Variants in ETV3 observed in about 807,000 individuals in gnomAD.
ETV3 encodes ETS variant transcription factor 3.
Under a neutral mutation model 33.0 loss-of-function variants are expected in ETV3, and 8 were observed. That is an observed-to-expected ratio of 0.24 (90% CI 0.14 to 0.44). The LOEUF is 0.44. ETV3 is among the 20% of genes least tolerant of loss of function. The probability of loss-of-function intolerance (pLI) is 1.00; values close to 1 mark genes in which losing one functional copy is unlikely to be tolerated. For missense variants in ETV3, 473 were observed against 652.3 expected (o/e 0.73, Z 2.99); for synonymous variants, 222 against 238.9 (o/e 0.93, Z 0.65).
At chr1:157,129,552 GA>G (rs1170651953) in intron 4 of ETV3, among the ~76,000 whole-genome samples, 1 of 151,680 alleles carries the variant, frequency 6.6e-6, no homozygotes. Context: ...TCACAGACTG[GA>G]AAAAAAATAA....
rs1674802693 is a variant in ETV3 at position 157,125,286 on chromosome 1, G to A, written c.1094C>T (p.Ser365Leu). ...NRERVESSEESAPVTTPTMAS... is the reference protein window; with the variant it reads ...NRERVESSEELAPVTTPTMAS... ...CATGGTGGGCGTGGTGACTGGTGCT[G>A]ACTCCTCGCTGCTCTCAACCCTCTC... The change falls in exon 5 of 5, where the codon TCA becomes TTA. Residue 365 changes from serine (S) to leucine (L), a missense_variant. By Grantham distance (145) the Ser-to-Leu change is moderately radical. Around this residue, in one of 3 missense-constraint regions of ETV3, gnomAD observed 410 missense variants for 520.2 expected, o/e 0.79. Transcript: ENST00000368192. This position sits in a 1 kb window ranked among gnomAD's most constrained non-coding sequence, Gnocchi z 4.0. The A allele has an allele frequency of 6.4e-7, 1 of 1,552,014 alleles. No individual in the cohort carries two copies. The highest frequency in any genetic ancestry group is 8.7e-7 in the Non-Finnish European group (1 of 1,147,122).
Position 157,124,771 on chromosome 1 carries a change from G to GAA in ETV3, c.*68_*69dup. The GAA allele has an allele frequency of 9.0e-6, 1 of 111,184 alleles. No homozygotes were observed. Among genetic ancestry groups the GAA allele is most frequent in the South Asian group, 2.0e-4 (1 of 5,078 alleles). 6.9% of individuals were successfully genotyped at this position (111,184 alleles called of 1,614,324 possible). ...AGTTTAACTCCCTCCCCCCCACCCT[G>GAA]AAATCTTGCTACATAAATACATGTA... On this transcript the variant is annotated 3_prime_UTR_variant, in exon 5 of 5. Transcript: ENST00000368192.
At chr1:157,128,367 T>C in intron 4 of ETV3, 2 of 193,352 alleles carry the variant, frequency 1.0e-5, no homozygotes, top group Non-Finnish European at 2.2e-5. Flanking sequence ...TAAATACGGG[T>C]GATATTGAGA....
At chr1:157,132,122 C>T (rs1674981076) in intron 4 of ETV3, among the ~76,000 whole-genome samples, 1 of 152,148 alleles carries the variant, frequency 6.6e-6, no homozygotes, top group Non-Finnish European at 1.5e-5. Flanking sequence ...GCCACCTGTA[C>T]TTTTAGTAGA....
intron 4 of ETV3, among the ~76,000 whole-genome samples, 177 bp from the exon 5 acceptor site, chr1:157,126,156 TG>T (rs944023957): frequency 6.6e-5 from 10 of 152,242 alleles, no homozygotes; most frequent in African/African-American, 2.4e-4. Flanking sequence ...CTACTCAACT[TG>T]TCATCCTTCT....
At chr1:157,126,073 C>T in intron 4 of ETV3, 94 bp from the exon 5 acceptor site, 1 of 1,138,810 alleles carries the variant, frequency 8.8e-7, no homozygotes, top group East Asian at 2.6e-5. Flanking sequence ...TTAGTAGTAA[C>T]AGGAAACAAT....
intron 4 of ETV3, among the ~76,000 whole-genome samples, chr1:157,127,859 T>G (rs1235165226): frequency 6.6e-6 from 1 of 152,136 alleles, no homozygotes; most frequent in Non-Finnish European, 1.5e-5. Flanking sequence ...TCAACTTTAG[T>G]GGCTCACAGT....
intron 2 of ETV3, 133 bp downstream of exon 2, chr1:157,136,174 G>A (rs1675104792): frequency 2.3e-6 from 2 of 854,340 alleles, no homozygotes; most frequent in East Asian, 2.5e-5. Context: ...GCCTACAACT[G>A]TCCTGCCAGT....
At chr1:157,136,804 G>C (rs1160563072) in intron 1 of ETV3, among the ~76,000 whole-genome samples, 1 of 152,144 alleles carries the variant, frequency 6.6e-6, no homozygotes, top group Admixed American at 6.5e-5. Context: ...CCAGTTTAAA[G>C]GATGAAAAAA....
chr1:157,137,252 T>C (rs1184842754), intron 1 of ETV3, among the ~76,000 whole-genome samples: 1 of 152,094 alleles, frequency 6.6e-6, no homozygotes, highest in African/African-American at 2.4e-5. Flanking sequence ...AGGGCAGATC[T>C]ACCCTCGCTG....
rs1674722812 is a variant in ETV3, at chr1:157,122,234, G to A, written c.*2607C>T. ...AGGTGCTACCAGGAGTGGGCTGAGG[G>A]GAGAAAAACTATCTCCCACTCTTTT... On this transcript the variant is annotated 3_prime_UTR_variant, in exon 5 of 5. Coordinates refer to ENST00000368192, the MANE Select transcript of ETV3 (RefSeq NM_001145312.3). 6.6e-6 allele frequency: 1 copy of A among 152,030 alleles called. No homozygotes were observed. Among genetic ancestry groups the A allele is most frequent in the Non-Finnish European group, 1.5e-5 (1 of 68,028 alleles). The allele number at this position is 152,030 out of a possible 1,614,324, so 9.4% of individuals were successfully genotyped here. A position where few individuals can be genotyped will look rare whatever the true frequency, so the allele number is the denominator to read the frequency against.
intron 4 of ETV3, 22 bp downstream of exon 4, chr1:157,134,089 TA>T (rs752640825): frequency 6.2e-7 from 1 of 1,601,038 alleles, no homozygotes; most frequent in South Asian, 1.1e-5. Context: ...ATTAATTCCC[TA>T]CCAAAAGAGT....
chr1:157,134,342 C>G, intron 3 of ETV3, 115 bp from the exon 4 acceptor site: 1 of 1,376,838 alleles, frequency 7.3e-7, no homozygotes, highest in Non-Finnish European at 9.6e-7. Flanking sequence ...ACAAAAATCA[C>G]TACCAATCTT....
rs774776354 is a variant in ETV3, at chr1:157,124,327, T to C, written c.*514A>G. The C allele has an allele frequency of 2.0e-5, 3 of 150,910 alleles. No individual in the cohort carries two copies. Among genetic ancestry groups the C allele is most frequent in the Non-Finnish European group, 4.4e-5 (3 of 67,928 alleles). The allele number at this position is 150,910 out of a possible 1,614,324, so 9.3% of individuals were successfully genotyped here. A position where few individuals can be genotyped will look rare whatever the true frequency, so the allele number is the denominator to read the frequency against. On this transcript the variant is annotated 3_prime_UTR_variant, in exon 5 of 5. Coordinates refer to ENST00000368192, the MANE Select transcript of ETV3 (RefSeq NM_001145312.3). ...CCCCACCCCAGTAAGTCTGAGATTATCTTATTCCTTCCCTGAAATAATTAT... is the reference window on the plus strand; with the variant it reads ...CCCCACCCCAGTAAGTCTGAGATTACCTTATTCCTTCCCTGAAATAATTAT...
intron 4 of ETV3, among the ~76,000 whole-genome samples, chr1:157,129,123 G>A (rs1674915359): frequency 6.6e-6 from 1 of 152,234 alleles, no homozygotes; most frequent in Non-Finnish European, 1.5e-5. Flanking sequence ...AAGGGCTGAA[G>A]ATAAGGCAGC....
At chr1:157,130,448 C>T (rs1382491728) in intron 4 of ETV3, among the ~76,000 whole-genome samples, 4 of 152,204 alleles carry the variant, frequency 2.6e-5, no homozygotes, top group Non-Finnish European at 4.4e-5. Context: ...AGAAGTCCAC[C>T]TCCATGAAGT....
At chr1:157,137,469 G>A (rs1208319149) in intron 1 of ETV3, among the ~76,000 whole-genome samples, 1 of 150,864 alleles carries the variant, frequency 6.6e-6, no homozygotes, top group African/African-American at 2.4e-5. Flanking sequence ...AGCGGCCGAG[G>A]ACAAGATAAA....
At position 157,122,338 on chromosome 1, in the gene ETV3, C is replaced by A. The variant is rs1180388576; in HGVS notation, c.*2503G>T. 2 of 152,132 alleles carry A rather than the reference C, an allele frequency of 1.3e-5. No homozygotes were observed. The highest frequency in any genetic ancestry group is 4.8e-5 in the African/African-American group (2 of 41,424). The allele number at this position is 152,132 out of a possible 1,614,324, so 9.4% of individuals were successfully genotyped here. ...CCCAGGTTCGGCTCTGTATAAGGACCCTCCCCTCCCAACCCCAACCCCAGA... is the reference window on the plus strand; with the variant it reads ...CCCAGGTTCGGCTCTGTATAAGGACACTCCCCTCCCAACCCCAACCCCAGA... On this transcript the variant is annotated 3_prime_UTR_variant, in exon 5 of 5. Transcript: ENST00000368192.
At chr1:157,133,337 A>C in intron 4 of ETV3, 2 of 950,204 alleles carry the variant, frequency 2.1e-6, no homozygotes, top group Non-Finnish European at 2.5e-6. Flanking sequence ...TTGCGAATCT[A>C]CTAGGGGTCT....
Sources: allele counts gnomAD v4.1 joint callset (sites outside exome capture counted in the v4.1 genomes callset), GRCh38; gene constraint gnomAD v4.1.1; regional missense constraint gnomAD v4.1.1; non-coding constraint Gnocchi (gnomAD v3.1); transcripts MANE v1.5; gene names NCBI Gene and HGNC (gene_info 2026-07-23, HGNC 2026-07-21).